The following NTM variants were observed in gnomAD, a reference collection of about 807,000 sequenced individuals.
The protein encoded by NTM is neurotrimin.
In NTM, 13 loss-of-function variants were observed where a neutral mutation model predicts 42.1. The ratio of observed to expected loss-of-function variants is 0.31; its 90% CI spans 0.20 to 0.49. The LOEUF is 0.49. Ranked by LOEUF, NTM falls within the 20% of genes least tolerant of loss-of-function variation. The pLI is 0.99. For synonymous variants in NTM, 187 were observed against 179.2 expected (o/e 1.04, Z -0.35); for missense variants, 373 against 452.8 (o/e 0.82, Z 1.60).
intron 1 of NTM, among the ~76,000 whole-genome samples, chr11:131,412,405 A>G (rs1044508609): frequency 4.6e-5 from 7 of 152,212 alleles, no homozygotes; most frequent in Non-Finnish European, 7.3e-5. Flanking sequence ...GGGATGGAAA[A>G]TAAAAGCAAA....
At chr11:132,174,972 T>A (rs2076590316) in intron 3 of NTM, among the ~76,000 whole-genome samples, 1 of 152,146 alleles carries the variant, frequency 6.6e-6, no homozygotes, top group Non-Finnish European at 1.5e-5. Context: ...TTCATATTTA[T>A]CTGGCATGGC....
At chr11:131,649,103 T>A (rs1014012212) in intron 1 of NTM, among the ~76,000 whole-genome samples, 1 of 152,162 alleles carries the variant, frequency 6.6e-6, no homozygotes, top group African/African-American at 2.4e-5. Flanking sequence ...CAACTACGTT[T>A]GTTCAGATAA....
intron 2 of NTM, among the ~76,000 whole-genome samples, chr11:132,131,649 A>C (rs2066849647): frequency 6.6e-6 from 1 of 152,158 alleles, no homozygotes; most frequent in South Asian, 2.1e-4. Flanking sequence ...GCAGGATCCC[A>C]GACCTCAAGG....
In NTM at chr11:132,135,601, A is replaced by G. The variant is rs116131621; in HGVS notation, c.168-10681A>G. On this transcript the variant is annotated intron_variant, in intron 2 of 8. Coordinates refer to ENST00000683400, the MANE Select transcript of NTM (RefSeq NM_001352005.2). ...CCAGGCCCTTTTACAACTCCCACAC[A>G]GGCCACACAGGCTACTGCTAGGGGC... is the stretch of plus-strand genomic sequence containing the variant. 4.7e-3 allele frequency among the ~76,000 whole-genome samples: 713 copies of G among 152,314 alleles called. 7 individuals carry two copies. Among genetic ancestry groups the G allele is most frequent in the African/African-American group, 0.016 (683 of 41,574 alleles).
In NTM at chr11:131,845,550, T is replaced by C. The variant is rs866141992; in HGVS notation, c.83-66014T>C. On this transcript the variant is annotated intron_variant, in intron 1 of 8. Transcript: ENST00000683400. The stretch of plus-strand genomic sequence containing the variant: ...TAACCAGAGAGCCGGGGGAACAATA[T>C]GCATAAGCAAGTTTGAAAAGCTGGT... Among the ~76,000 whole-genome samples the C allele has an allele frequency of 4.6e-5, 7 of 151,888 alleles. No homozygotes were observed. The South Asian group carries it at 1.5e-3, about 32-fold the overall frequency.
At chr11:132,175,465 A>G (rs1311759376) in intron 3 of NTM, among the ~76,000 whole-genome samples, 1 of 152,230 alleles carries the variant, frequency 6.6e-6, no homozygotes, top group Non-Finnish European at 1.5e-5. Context: ...GCAAATGAAG[A>G]ATAACTCCTC....
At chr11:132,210,443 C>T (rs1251358908) in intron 3 of NTM, among the ~76,000 whole-genome samples, 2 of 152,096 alleles carry the variant, frequency 1.3e-5, no homozygotes, top group Non-Finnish European at 2.9e-5. Context: ...GAGCTCTTAG[C>T]GTGGATACAG....
At chr11:131,661,170 T>C (rs865807837) in intron 1 of NTM, 2 of 527,852 alleles carry the variant, frequency 3.8e-6, no homozygotes, top group African/African-American at 4.0e-5. Context: ...GCTTTTGAGA[T>C]GATGATGGCT....
intron 3 of NTM, among the ~76,000 whole-genome samples, chr11:132,192,849 CATTCTTAT>C (rs2079534929): frequency 6.6e-6 from 1 of 151,986 alleles, no homozygotes; most frequent in Non-Finnish European, 1.5e-5. Flanking sequence ...TAGGGGTCGC[CATTCTTAT>C]ATCAGATAAA....
chr11:131,604,129 T>C (rs1341380750), intron 1 of NTM, among the ~76,000 whole-genome samples: 1 of 152,234 alleles, frequency 6.6e-6, no homozygotes, highest in African/African-American at 2.4e-5. Flanking sequence ...GACACACCAT[T>C]TGACAGCCAC....
At chr11:132,214,239 G>A (rs1222400514) in intron 4 of NTM, among the ~76,000 whole-genome samples, 1 of 152,196 alleles carries the variant, frequency 6.6e-6, no homozygotes, top group Non-Finnish European at 1.5e-5. Flanking sequence ...TGCATGCTAA[G>A]TCCGCGGTGT....
At chr11:132,191,016 A>C (rs1318551771) in intron 3 of NTM, among the ~76,000 whole-genome samples, 1 of 152,188 alleles carries the variant, frequency 6.6e-6, no homozygotes, top group African/African-American at 2.4e-5. Flanking sequence ...CCGTGCAAAC[A>C]GTAAAAACAG....
chr11:132,063,018 A>G (rs548387694), intron 2 of NTM, among the ~76,000 whole-genome samples: 3 of 152,252 alleles, frequency 2.0e-5, no homozygotes, highest in Non-Finnish European at 4.4e-5. Flanking sequence ...GGGTAGGTTA[A>G]AACAACAGAC....
intron 2 of NTM, among the ~76,000 whole-genome samples, chr11:132,008,551 C>A (rs1446875795): frequency 6.6e-6 from 1 of 151,600 alleles, no homozygotes; most frequent in Non-Finnish European, 1.5e-5. Context: ...CATCTAGTAG[C>A]CTAAGAAGTG....
At chr11:132,048,811 CTTTTTTCTTTTTTTT>C (rs970450557) in intron 2 of NTM, among the ~76,000 whole-genome samples, 9 of 99,390 alleles carry the variant, frequency 9.1e-5, no homozygotes, top group Non-Finnish European at 1.1e-4. Flanking sequence ...TTTTTCTTTT[CTTTTTTCTTTTTTTT>C]TTTTTTTTTT....
At chr11:132,333,368 C>G (rs746907985) in intron 8 of NTM, among the ~76,000 whole-genome samples, 1 of 152,070 alleles carries the variant, frequency 6.6e-6, no homozygotes, top group Non-Finnish European at 1.5e-5. Context: ...TGAAGGCATC[C>G]GGCGGAGGCT....
chr11:131,416,636 G>C (rs193130584), intron 1 of NTM, among the ~76,000 whole-genome samples: 1 of 152,298 alleles, frequency 6.6e-6, no homozygotes, highest in African/African-American at 2.4e-5. Context: ...ATTGTGTGTG[G>C]GGACAGGGAT....
intron 1 of NTM, among the ~76,000 whole-genome samples, chr11:131,785,499 T>G (rs1256652738): frequency 6.6e-6 from 1 of 152,262 alleles, no homozygotes; most frequent in East Asian, 1.9e-4. Flanking sequence ...TATTACTTAA[T>G]TATCCTTTTC....
chr11:131,934,310 A>G (rs2058978660), intron 2 of NTM, among the ~76,000 whole-genome samples: 1 of 152,216 alleles, frequency 6.6e-6, no homozygotes, highest in Non-Finnish European at 1.5e-5. Context: ...CAAATAAATG[A>G]TTAAGTGAAT....
Sources: gnomAD v4.1 joint callset for allele counts (sites outside exome capture counted in the v4.1 genomes callset) on GRCh38, gnomAD v4.1.1 for gene constraint, MANE v1.5 for transcripts, NCBI Gene and HGNC (gene_info 2026-07-23, HGNC 2026-07-21) for gene names.